Variants in EHD1 observed in about 807,000 individuals in gnomAD.
EHD1 encodes the protein EH domain containing 1, also known as EH domain-containing protein 1.
A neutral mutation model predicts 39.0 loss-of-function variants in EHD1; 19 were observed. The ratio of observed to expected loss-of-function variants is 0.49; its 90% CI spans 0.34 to 0.72. The LOEUF (loss-of-function observed/expected upper bound fraction) is 0.72, where lower values mean the gene tolerates loss of function less well. Among genes scored for constraint, EHD1 ranks in the 30% least tolerant of loss-of-function variants. The pLI, the probability that EHD1 is intolerant of heterozygous loss-of-function variation, is 0.01. For missense variants in EHD1, 542 were observed against 751.5 expected, an observed-to-expected ratio of 0.72 and a Z score of 3.26; for synonymous variants, 323 against 331.2, an observed-to-expected ratio of 0.98 and a Z score of 0.27.
chr11:64,868,066 G>A lies in EHD1; in HGVS notation c.502+6355C>T, dbSNP rs1446729068. ...AAGAGGGAGGTTCTCAGGCCTCCCC[G>A]CCCTACCCCAGCAGCCTCCAAAACA... On this transcript the variant is annotated intron_variant, in intron 2 of 4. Transcript: ENST00000320631. This position sits in a 1 kb window ranked among gnomAD's most constrained non-coding sequence, Gnocchi z 4.2. Among the ~76,000 whole-genome samples, 1 of 152,186 alleles carries A rather than the reference G, an allele frequency of 6.6e-6. No homozygotes were observed. The highest frequency in any genetic ancestry group is 1.5e-5 in the Non-Finnish European group (1 of 68,030).
At chr11:64,874,994 G>C (rs1943870078) in intron 1 of EHD1, among the ~76,000 whole-genome samples, 1 of 152,220 alleles carries the variant, frequency 6.6e-6, no homozygotes, top group African/African-American at 2.4e-5. Flanking sequence ...TTGGGTGAGG[G>C]AATTGAAATG....
chr11:64,872,673 A>T (rs1026710817), intron 2 of EHD1, among the ~76,000 whole-genome samples: 2 of 151,958 alleles, frequency 1.3e-5, no homozygotes, highest in African/African-American at 2.4e-5. Flanking sequence ...GGGTGGGAGA[A>T]TCTAACAGCT....
intron 3 of EHD1, 156 bp from the exon 4 acceptor site, chr11:64,855,642 T>G: frequency 9.6e-7 from 1 of 1,039,242 alleles, no homozygotes; most frequent in Non-Finnish European, 1.4e-6. Flanking sequence ...CACCACCGGC[T>G]CCCACAGTCC....
intron 3 of EHD1, among the ~76,000 whole-genome samples, chr11:64,858,974 C>T (rs1223155035): frequency 6.6e-6 from 1 of 152,226 alleles, no homozygotes. Context: ...GGGCTGCAGG[C>T]TGGCACCCTG....
chr11:64,871,295 G>T (rs1943827815), intron 2 of EHD1, among the ~76,000 whole-genome samples: 1 of 152,128 alleles, frequency 6.6e-6, no homozygotes, highest in African/African-American at 2.4e-5. Context: ...ACCAGCAAAG[G>T]CAGTAGCAGG....
At chr11:64,877,925 A>T in intron 1 of EHD1, 136 bp downstream of exon 1, 3 of 911,074 alleles carry the variant, frequency 3.3e-6, no homozygotes, top group Non-Finnish European at 4.6e-6. Flanking sequence ...CCCTTGGACC[A>T]GGGAGTGGTC....
At chr11:64,861,037 A>AG (rs71270583) in intron 2 of EHD1, among the ~76,000 whole-genome samples, 2 of 149,528 alleles carry the variant, frequency 1.3e-5, no homozygotes, top group African/African-American at 2.5e-5. Flanking sequence ...AAAAAAAAAA[A>AG]TAGCCGGGTG....
In EHD1 at chr11:64,878,361, G is replaced by A; in HGVS notation, c.104C>T (p.Pro35Leu). ...GTGGAAGCGGTAGTGCTCCTCCAGGGGTAGCAGCTTCTGCGCGTACAGCTG... is the reference window on the plus strand; with the variant it reads ...GTGGAAGCGGTAGTGCTCCTCCAGGAGTAGCAGCTTCTGCGCGTACAGCTG... The part of the protein sequence containing the change: ...LRQLYAQKLL[P>L]LEEHYRFHEF... Residue 35 changes from proline (P) to leucine (L), a missense_variant, in exon 1 of 5, where the codon CCC (proline) becomes CTC (leucine). Coordinates refer to ENST00000320631, the MANE Select transcript of EHD1 (RefSeq NM_006795.4). 3.1e-6 allele frequency: 5 copies of A among 1,614,004 alleles called. No homozygotes were observed. The highest frequency in any genetic ancestry group is 4.2e-6 in the Non-Finnish European group (5 of 1,180,036).
chr11:64,859,351 C>A (rs754606758), intron 3 of EHD1, among the ~76,000 whole-genome samples: 21 of 152,126 alleles, frequency 1.4e-4, no homozygotes, highest in Non-Finnish European at 2.9e-5. Context: ...GAAACCCTGT[C>A]TCTAATAAAA....
intron 3 of EHD1, among the ~76,000 whole-genome samples, chr11:64,857,214 C>T (rs1411695961): frequency 2.0e-5 from 3 of 152,292 alleles, no homozygotes; most frequent in African/African-American, 7.2e-5. Context: ...CACCTAAAGT[C>T]AGGAGTTCGA....
Position 64,855,425 on chromosome 11 carries a change from C to T in EHD1, c.977G>A (p.Ser326Asn), listed in dbSNP as rs752633828. 3.2e-5 allele frequency: 51 copies of T among 1,613,992 alleles called. No individual in the cohort carries two copies. Among genetic ancestry groups the T allele is most frequent in the Non-Finnish European group, 4.2e-5 (49 of 1,180,008 alleles). ...GTTGTTCACCAGCTCTTTCTTTTTG[C>T]TCTCTTTACCAAAGACATTGGGCAT... ...KEMPNVFGKE[S>N]KKKELVNNLG... The change falls in exon 4 of 5, where the codon AGC becomes AAC. Residue 326 changes from serine to asparagine, a missense_variant. Physicochemically the swap from Ser to Asn is conservative, Grantham distance 46 (BLOSUM62 1). Transcript: ENST00000320631.
At chr11:64,867,573 G>C (rs1943781699) in intron 2 of EHD1, among the ~76,000 whole-genome samples, 1 of 152,088 alleles carries the variant, frequency 6.6e-6, no homozygotes, top group African/African-American at 2.4e-5. Context: ...ACAAAAATTA[G>C]CTGGGCGTGG....
intron 1 of EHD1, 69 bp downstream of exon 1, chr11:64,877,992 A>C: frequency 7.1e-7 from 1 of 1,405,548 alleles, no homozygotes; most frequent in Non-Finnish European, 9.3e-7. Flanking sequence ...CAGCCACGGG[A>C]GGGTCAGGCT....
intron 1 of EHD1, among the ~76,000 whole-genome samples, chr11:64,877,097 G>A (rs1251218758): frequency 6.6e-6 from 1 of 152,228 alleles, no homozygotes; most frequent in East Asian, 1.9e-4. Context: ...AAAGGCATGT[G>A]GAGTCCGTGA....
At position 64,878,241 on chromosome 11, in the gene EHD1, A is replaced by T; in HGVS notation, c.224T>A (p.Ile75Asn). The T allele has an allele frequency of 6.2e-7, 1 of 1,613,872 alleles. No homozygotes were observed. The highest frequency in any genetic ancestry group is 8.5e-7 in the Non-Finnish European group (1 of 1,179,840). The change falls in exon 1 of 5, where the codon ATC becomes AAC. Residue 75 changes from isoleucine (I) to asparagine (N), a missense_variant. By Grantham distance (149) the Ile-to-Asn change is moderately radical. Coordinates refer to ENST00000320631, the MANE Select transcript of EHD1 (RefSeq NM_006795.4). ...GQYSTGKTTFIRHLIEQDFPG... is the reference protein window; with the variant it reads ...GQYSTGKTTFNRHLIEQDFPG... Reference sequence around the variant, plus strand: ...GAAGTCCTGCTCGATCAGGTGTCGGATGAAGGTGGTCTTGCCCGTGCTGTA... The same window carrying T: ...GAAGTCCTGCTCGATCAGGTGTCGGTTGAAGGTGGTCTTGCCCGTGCTGTA...
In EHD1 at chr11:64,859,991, T is replaced by C. The variant is rs1943695376; in HGVS notation, c.848A>G (p.Gln283Arg). Reference sequence around the variant, plus strand: ...GAGGGCGGCGTTTCGGGGCAGTGACTGGATGTCCTTGAAGAGGTCCTGCTC... The same window carrying C: ...GAGGGCGGCGTTTCGGGGCAGTGACCGGATGTCCTTGAAGAGGTCCTGCTC... ...AEEQDLFKDI[Q>R]SLPRNAALRK... The change falls in exon 3 of 5, where the codon CAG becomes CGG. Residue 283 changes from glutamine (Q) to arginine (R), a missense_variant. By Grantham distance (43) the Gln-to-Arg change is conservative (BLOSUM62 1). Coordinates refer to ENST00000320631, the MANE Select transcript of EHD1 (RefSeq NM_006795.4). 1.2e-6 allele frequency: 2 copies of C among 1,613,840 alleles called. No individual in the cohort carries two copies. Among genetic ancestry groups the C allele is most frequent in the African/African-American group, 1.3e-5 (1 of 74,928 alleles).
intron 2 of EHD1, among the ~76,000 whole-genome samples, chr11:64,870,141 G>A (rs768625018): frequency 2.0e-5 from 3 of 152,196 alleles, no homozygotes; most frequent in Non-Finnish European, 4.4e-5. Flanking sequence ...TTTCAGGACT[G>A]GAGTCTAACC....
In EHD1 at chr11:64,874,525, G is replaced by A. The variant is rs750422244; in HGVS notation, c.405-7C>T. On this transcript the variant is annotated splice_polypyrimidine_tract_variant and splice_region_variant and intron_variant, in intron 1 of 4. Coordinates refer to ENST00000320631, the MANE Select transcript of EHD1 (RefSeq NM_006795.4). ...CAGCTGGGCACACATGAACCTACAT[G>A]AGAGCAAGAGCCAGAAGAGAGGCGT... 3 of 1,597,080 alleles carry A rather than the reference G, an allele frequency of 1.9e-6. No individual in the cohort carries two copies. In the East Asian group the frequency reaches 6.8e-5, roughly 36 times the overall value.
chr11:64,854,795 C>A lies in EHD1; in HGVS notation c.1143G>T (p.Thr381=). Residue 381 remains threonine (T), a synonymous_variant, in exon 5 of 5, where the codon ACG becomes ACT. Coordinates refer to ENST00000320631, the MANE Select transcript of EHD1 (RefSeq NM_006795.4). ...TGTCGTTGGCCAGCATGTCATCCAC[C>A]GTGTCCAGCAGCTTGGGCTTCAGCG... ...FQALKPKLLD[T]VDDMLANDIA... is the part of the protein sequence containing the mutation. 1 of 1,604,318 alleles carries A rather than the reference C, an allele frequency of 6.2e-7. No individual in the cohort carries two copies. Among genetic ancestry groups the A allele is most frequent in the Non-Finnish European group, 8.5e-7 (1 of 1,179,978 alleles).
Sources: gnomAD v4.1 joint callset for allele counts (sites outside exome capture counted in the v4.1 genomes callset) on GRCh38, gnomAD v4.1.1 for gene constraint, Gnocchi (gnomAD v3.1) non-coding constraint, MANE v1.5 for transcripts, NCBI Gene and HGNC (gene_info 2026-07-23, HGNC 2026-07-21) for gene names.